The following ZEB1 variants were observed in gnomAD, a reference collection of about 807,000 sequenced individuals.
ZEB1 encodes zinc finger E-box-binding homeobox 1.
A neutral mutation model predicts 84.9 loss-of-function variants in ZEB1; 21 were observed. The observed-to-expected ratio is 0.25, with a 90% confidence interval of 0.18 to 0.36. The LOEUF is 0.36. Among genes scored for constraint, ZEB1 ranks in the 10% least tolerant of loss-of-function variants. The pLI is 1.00. For synonymous variants in ZEB1, 420 were observed against 471.1 expected (o/e 0.89, Z 1.41); for missense variants, 1,104 against 1,330.2 (o/e 0.83, Z 2.65).
chr10:31,350,183 C>T (rs1434983382), intron 1 of ZEB1, among the ~76,000 whole-genome samples: 2 of 151,846 alleles, frequency 1.3e-5, no homozygotes, highest in Non-Finnish European at 2.9e-5. Flanking sequence ...CTGTTTTTTC[C>T]CCATTGTGTG....
chr10:31,351,727 A>G lies in ZEB1; in HGVS notation c.58+32435A>G, dbSNP rs1248225138. Among the ~76,000 whole-genome samples the G allele has an allele frequency of 1.6e-4, 24 of 152,166 alleles. 1 individual carries two copies. Among genetic ancestry groups the G allele is most frequent in the Admixed American group, 1.6e-3 (24 of 15,274 alleles). ...TGTAATAAATTATCTGATATCCTTC[A>G]GAGGTTATCTAAAAATATTCCTTTA... On this transcript the variant is annotated intron_variant, in intron 1 of 8. Transcript: ENST00000424869.
At chr10:31,513,270 G>A (rs1014667371) in intron 5 of ZEB1, among the ~76,000 whole-genome samples, 1 of 151,962 alleles carries the variant, frequency 6.6e-6, no homozygotes, top group Non-Finnish European at 1.5e-5. Flanking sequence ...TGAGTAAGAG[G>A]GTAATCAAGA....
intron 1 of ZEB1, among the ~76,000 whole-genome samples, chr10:31,378,724 A>C (rs2047122291): frequency 6.6e-6 from 1 of 151,906 alleles, no homozygotes; most frequent in African/African-American, 2.4e-5. Context: ...GTAAAAGTAA[A>C]GTCAAGGACC....
At chr10:31,469,864 C>G (rs1226964268) in intron 2 of ZEB1, among the ~76,000 whole-genome samples, 2 of 152,220 alleles carry the variant, frequency 1.3e-5, no homozygotes, top group African/African-American at 4.8e-5. Flanking sequence ...AGCTGGAGAT[C>G]TGAGAACGGG....
intron 2 of ZEB1, among the ~76,000 whole-genome samples, chr10:31,466,162 C>T (rs1451351565): frequency 1.3e-5 from 2 of 152,038 alleles, no homozygotes; most frequent in African/African-American, 4.8e-5. Context: ...AAATAGATAG[C>T]AGTACAGTAA....
intron 1 of ZEB1, among the ~76,000 whole-genome samples, chr10:31,348,126 A>G (rs1049368328): frequency 2.0e-5 from 3 of 152,202 alleles, no homozygotes; most frequent in Non-Finnish European, 2.9e-5. Flanking sequence ...AAATATGAGT[A>G]TAATCAAGGA....
At chr10:31,468,196 C>T (rs2062685732) in intron 2 of ZEB1, among the ~76,000 whole-genome samples, 2 of 152,198 alleles carry the variant, frequency 1.3e-5, no homozygotes, top group Admixed American at 1.3e-4. Context: ...CCAGTCCCAC[C>T]CAGCTTTGCC....
intron 2 of ZEB1, among the ~76,000 whole-genome samples, chr10:31,489,895 G>T (rs1230490465): frequency 1.3e-5 from 2 of 151,308 alleles, no homozygotes; most frequent in African/African-American, 4.8e-5. Flanking sequence ...GAACAGATCT[G>T]CCAGCAATGA....
chr10:31,469,252 C>T (rs925177770), intron 2 of ZEB1, among the ~76,000 whole-genome samples: 8 of 152,134 alleles, frequency 5.3e-5, no homozygotes, highest in African/African-American at 1.7e-4. Context: ...CAGCTCCCAG[C>T]GTGAGCGACG....
At chr10:31,426,770 C>G (rs1041220890) in intron 1 of ZEB1, among the ~76,000 whole-genome samples, 1 of 152,160 alleles carries the variant, frequency 6.6e-6, no homozygotes, top group South Asian at 2.1e-4. Context: ...AGCCTCTACT[C>G]TAAAAAGGCA....
At chr10:31,486,709 TGTA>T (rs2065813214) in intron 2 of ZEB1, among the ~76,000 whole-genome samples, 1 of 151,570 alleles carries the variant, frequency 6.6e-6, no homozygotes, top group African/African-American at 2.4e-5. Flanking sequence ...TCTTTAGAGT[TGTA>T]GTAAAGACTA....
intron 2 of ZEB1, among the ~76,000 whole-genome samples, chr10:31,480,862 T>A (rs1466335182): frequency 6.6e-6 from 1 of 152,122 alleles, no homozygotes; most frequent in Admixed American, 6.6e-5. Context: ...TTTCCATACC[T>A]CATTCATAAT....
chr10:31,392,643 G>C (rs2049959215), intron 1 of ZEB1, among the ~76,000 whole-genome samples: 1 of 151,856 alleles, frequency 6.6e-6, no homozygotes, highest in African/African-American at 2.4e-5. Flanking sequence ...AGTAAAGTCT[G>C]CCTAGTTTAA....
At chr10:31,413,209 A>G (rs1204588226) in intron 1 of ZEB1, among the ~76,000 whole-genome samples, 2 of 152,226 alleles carry the variant, frequency 1.3e-5, no homozygotes, top group African/African-American at 4.8e-5. Context: ...CAACATTAGT[A>G]TAGACATATA....
At chr10:31,397,487 A>G (rs2051024862) in intron 1 of ZEB1, among the ~76,000 whole-genome samples, 1 of 151,958 alleles carries the variant, frequency 6.6e-6, no homozygotes, top group African/African-American at 2.4e-5. Flanking sequence ...ATTCCTTCCT[A>G]TTTTTGGACA....
At chr10:31,477,605 A>T (rs558381595) in intron 2 of ZEB1, among the ~76,000 whole-genome samples, 1 of 152,204 alleles carries the variant, frequency 6.6e-6, no homozygotes, top group Admixed American at 6.5e-5. Flanking sequence ...CTAACTTCAG[A>T]TTATACTACA....
chr10:31,362,900 T>C (rs1268651675), intron 1 of ZEB1: 117 of 1,411,084 alleles, frequency 8.3e-5, no homozygotes, highest in Non-Finnish European at 1.1e-4. Flanking sequence ...AACACTCTCA[T>C]GTTCTTACGC....
intron 1 of ZEB1, among the ~76,000 whole-genome samples, chr10:31,442,103 G>T (rs2059075378): frequency 6.6e-6 from 1 of 152,208 alleles, no homozygotes; most frequent in Non-Finnish European, 1.5e-5. Context: ...AAAGACACAT[G>T]CACATGTATG....
intron 1 of ZEB1, among the ~76,000 whole-genome samples, chr10:31,367,057 C>T (rs910710478): frequency 8.5e-5 from 13 of 152,176 alleles, no homozygotes; most frequent in South Asian, 2.1e-4. Context: ...TTGTTGAGCC[C>T]GGGACCTCTT....
Sources: gnomAD v4.1 joint callset for allele counts (sites outside exome capture counted in the v4.1 genomes callset) on GRCh38, gnomAD v4.1.1 for gene constraint, MANE v1.5 for transcripts, NCBI Gene and HGNC (gene_info 2026-07-23, HGNC 2026-07-21) for gene names.